The following EPHA6 variants were observed in gnomAD, a reference collection of about 807,000 sequenced individuals.
EPHA6 encodes ephrin type-A receptor 6.
In EPHA6, 50 loss-of-function variants were observed where a neutral mutation model predicts 112.0. The ratio of observed to expected loss-of-function variants is 0.45; its 90% CI spans 0.36 to 0.56. EPHA6 has a LOEUF of 0.56. Among genes scored for constraint, EPHA6 ranks in the 20% least tolerant of loss-of-function variants. EPHA6 has a pLI of 0.00. For missense variants in EPHA6, 1,280 were observed against 1,417.4 expected (o/e 0.90, Z 1.56); for synonymous variants, 529 against 490.7 (o/e 1.08, Z -1.03).
intron 14 of EPHA6, among the ~76,000 whole-genome samples, chr3:97,666,308 T>C (rs1480144729): frequency 6.6e-6 from 1 of 152,190 alleles, no homozygotes; most frequent in Non-Finnish European, 1.5e-5. Context: ...TTTCTATCAC[T>C]GTGTTAGTTT....
intron 3 of EPHA6, among the ~76,000 whole-genome samples, chr3:97,130,236 C>CCGTA (rs1705674142): frequency 6.6e-6 from 1 of 151,672 alleles, no homozygotes; most frequent in Admixed American, 6.6e-5. Context: ...ATTCTGGGTA[C>CCGTA]CCTTCCTACA....
intron 2 of EPHA6, among the ~76,000 whole-genome samples, chr3:96,870,426 C>G (rs2036569023): frequency 6.6e-6 from 1 of 152,060 alleles, no homozygotes; most frequent in Non-Finnish European, 1.5e-5. Flanking sequence ...ATTCTATCTC[C>G]ACTTCAGTGG....
At chr3:97,631,861 G>A (rs2107536717) in intron 13 of EPHA6, among the ~76,000 whole-genome samples, 1 of 152,058 alleles carries the variant, frequency 6.6e-6, no homozygotes, top group East Asian at 1.9e-4. Context: ...ACATTTTTCG[G>A]CAAGAAAGTT....
intron 11 of EPHA6, among the ~76,000 whole-genome samples, chr3:97,574,484 G>GA (rs1315666993): frequency 6.6e-6 from 1 of 152,088 alleles, no homozygotes; most frequent in African/African-American, 2.4e-5. Flanking sequence ...ATGTGAAAGG[G>GA]AAAAGGCTTA....
At chr3:96,899,317 T>C (rs553887587) in intron 2 of EPHA6, among the ~76,000 whole-genome samples, 57 of 152,206 alleles carry the variant, frequency 3.7e-4, no homozygotes, top group Non-Finnish European at 6.5e-4. Context: ...ACATCAGTCA[T>C]TGGACTTGGG....
Position 97,747,622 on chromosome 3 carries a change from A to G in EPHA6, c.3278+50A>G, listed in dbSNP as rs540374811. ...GTAACGAGATGTCCTGCTGGGGATT[A>G]TAAGTTCAAATGCTGTATCAAGAAC... On this transcript the variant is annotated intron_variant, in intron 17 of 17. Coordinates refer to ENST00000389672, the MANE Select transcript of EPHA6 (RefSeq NM_001080448.3). 1.7e-4 allele frequency: 248 copies of G among 1,487,702 alleles called. 3 individuals carry two copies. The South Asian group carries it at 3.1e-3, about 19-fold the overall frequency. 92.2% of individuals were successfully genotyped at this position (1,487,702 alleles called of 1,614,324 possible). A position where few individuals can be genotyped will look rare whatever the true frequency, so the allele number is the denominator to read the frequency against.
At chr3:97,461,181 G>GAAGA (rs1216118716) in intron 7 of EPHA6, among the ~76,000 whole-genome samples, 1 of 152,102 alleles carries the variant, frequency 6.6e-6, no homozygotes, top group Non-Finnish European at 1.5e-5. Context: ...CAAGCAGAAA[G>GAAGA]AAGAAAGAAA....
intron 13 of EPHA6, among the ~76,000 whole-genome samples, chr3:97,619,380 T>C (rs2093793752): frequency 7.6e-6 from 1 of 130,964 alleles, no homozygotes; most frequent in African/African-American, 2.7e-5. Flanking sequence ...ATCTCACCAC[T>C]CCTATTCAAC....
intron 2 of EPHA6, among the ~76,000 whole-genome samples, chr3:96,897,042 A>C (rs2038310375): frequency 6.6e-6 from 1 of 152,070 alleles, no homozygotes; most frequent in Non-Finnish European, 1.5e-5. Flanking sequence ...ATATTTTATT[A>C]GAATTCACTG....
intron 6 of EPHA6, among the ~76,000 whole-genome samples, chr3:97,428,004 A>C (rs2089265996): frequency 6.6e-6 from 1 of 152,134 alleles, no homozygotes; most frequent in East Asian, 1.9e-4. Context: ...AATCCCTGCA[A>C]CACACAATTT....
intron 2 of EPHA6, among the ~76,000 whole-genome samples, chr3:96,953,334 T>C (rs2041626862): frequency 6.6e-6 from 1 of 152,200 alleles, no homozygotes; most frequent in Non-Finnish European, 1.5e-5. Flanking sequence ...AAGTGGCAAG[T>C]CAATTGCCAG....
At chr3:96,893,395 C>T (rs1316872016) in intron 2 of EPHA6, among the ~76,000 whole-genome samples, 5 of 152,036 alleles carry the variant, frequency 3.3e-5, no homozygotes, top group East Asian at 1.9e-4. Flanking sequence ...TATCTTGCAT[C>T]GATTTAATTT....
chr3:97,413,579 A>G (rs762233802), intron 6 of EPHA6, among the ~76,000 whole-genome samples: 1 of 152,076 alleles, frequency 6.6e-6, no homozygotes, highest in Non-Finnish European at 1.5e-5. Context: ...AGCCTTTGAA[A>G]AGTGAGTGCA....
At chr3:97,087,149 C>T (rs150070252) in intron 3 of EPHA6, among the ~76,000 whole-genome samples, 14 of 152,238 alleles carry the variant, frequency 9.2e-5, no homozygotes, top group East Asian at 3.9e-4. Flanking sequence ...CCTAGAAGAG[C>T]AAGGATTCTG....
chr3:96,907,300 T>C (rs1202366983), intron 2 of EPHA6, among the ~76,000 whole-genome samples: 1 of 151,830 alleles, frequency 6.6e-6, no homozygotes, highest in Non-Finnish European at 1.5e-5. Flanking sequence ...CAAGGGGCTG[T>C]TAAAGGTGTC....
At chr3:97,745,163 T>C (rs2107894168) in intron 16 of EPHA6, among the ~76,000 whole-genome samples, 1 of 152,130 alleles carries the variant, frequency 6.6e-6, no homozygotes. Flanking sequence ...ATGCTACAAC[T>C]TAAAAATCTG....
At chr3:97,627,385 A>C (rs1470649825) in intron 13 of EPHA6, among the ~76,000 whole-genome samples, 2 of 151,948 alleles carry the variant, frequency 1.3e-5, no homozygotes, top group East Asian at 3.9e-4. Flanking sequence ...TCAGGATTAC[A>C]TTGAGTGGCA....
intron 3 of EPHA6, among the ~76,000 whole-genome samples, chr3:97,139,105 G>C (rs2075832900): frequency 6.6e-6 from 1 of 152,110 alleles, no homozygotes; most frequent in Non-Finnish European, 1.5e-5. Context: ...CAGGTCACAG[G>C]CTTGTCTGAC....
At chr3:96,938,388 C>T (rs1319072912) in intron 2 of EPHA6, among the ~76,000 whole-genome samples, 1 of 150,308 alleles carries the variant, frequency 6.7e-6, no homozygotes, top group African/African-American at 2.4e-5. Flanking sequence ...TGGGAGTTCA[C>T]TCATGATTTG....
Sources: gnomAD v4.1 joint callset for allele counts (sites outside exome capture counted in the v4.1 genomes callset) on GRCh38, gnomAD v4.1.1 for gene constraint, MANE v1.5 for transcripts, NCBI Gene and HGNC (gene_info 2026-07-23, HGNC 2026-07-21) for gene names.